The following CLNK variants were observed in gnomAD, a reference collection of about 807,000 sequenced individuals.
The protein encoded by CLNK is cytokine-dependent hematopoietic cell linker.
CLNK carries 74 observed loss-of-function variants against 68.6 expected under a neutral mutation model. That is an observed-to-expected ratio of 1.08 (90% CI 0.89 to 1.31). The LOEUF (loss-of-function observed/expected upper bound fraction) is 1.31, where lower values mean the gene tolerates loss of function less well. Ranked by LOEUF, CLNK falls within the 50% of genes most tolerant of loss-of-function variation. The pLI is 0.00. For synonymous variants in CLNK, 198 were observed against 172.2 expected (o/e 1.15, Z -1.17); for missense variants, 553 against 515.3 (o/e 1.07, Z -0.71).
chr4:10,490,425 A>C lies in CLNK; in HGVS notation c.*42T>G, dbSNP rs1470243393. On this transcript the variant is annotated 3_prime_UTR_variant, in exon 19 of 19. Coordinates refer to ENST00000226951, the MANE Select transcript of CLNK (RefSeq NM_052964.4). Reference sequence around the variant, plus strand: ...CTTTTGAAATCAATGAAAACAATGGAAGCGCTGAATCCAGTAAACCAAAGA... The same window carrying C: ...CTTTTGAAATCAATGAAAACAATGGCAGCGCTGAATCCAGTAAACCAAAGA... 6.3e-7 allele frequency: 1 copy of C among 1,591,220 alleles called. No homozygotes were observed. Among genetic ancestry groups the C allele is most frequent in the Non-Finnish European group, 8.5e-7 (1 of 1,171,174 alleles).
At chr4:10,540,908 C>G (rs1718985523) in intron 10 of CLNK, among the ~76,000 whole-genome samples, 1 of 151,992 alleles carries the variant, frequency 6.6e-6, no homozygotes. Flanking sequence ...GTTTTTAGAA[C>G]TACCCAAATA....
At chr4:10,706,509 G>A in the CLNK span, among the ~76,000 whole-genome samples, 2 of 152,210 alleles carry the variant, frequency 1.3e-5, no homozygotes, top group Non-Finnish European at 2.9e-5. Flanking sequence ...TTCCTCCTGA[G>A]GCAATCTCTG....
chr4:10,686,109 G>A (rs543788829), upstream of CLNK, among the ~76,000 whole-genome samples: 2 of 152,278 alleles, frequency 1.3e-5, no homozygotes, highest in East Asian at 3.9e-4. Context: ...CCTCCTGAGA[G>A]CCATGAGGAG....
At chr4:10,620,991 T>C (rs1403810062) in intron 2 of CLNK, among the ~76,000 whole-genome samples, 1 of 150,588 alleles carries the variant, frequency 6.6e-6, no homozygotes, top group Non-Finnish European at 1.5e-5. Flanking sequence ...GCACCTGTAG[T>C]CCCAGCTGCT....
At chr4:10,646,196 A>AAT (rs1219126340) in intron 2 of CLNK, among the ~76,000 whole-genome samples, 3 of 152,192 alleles carry the variant, frequency 2.0e-5, no homozygotes, top group Non-Finnish European at 4.4e-5. Context: ...CCTGTATCAA[A>AAT]ATATCACCCA....
chr4:10,573,488 A>G (rs1398611188), intron 4 of CLNK, among the ~76,000 whole-genome samples: 1 of 152,196 alleles, frequency 6.6e-6, no homozygotes, highest in East Asian at 1.9e-4. Flanking sequence ...TCCCTGGCAG[A>G]GAAACCAACA....
At chr4:10,688,950 C>T (rs1725362647), upstream of CLNK, among the ~76,000 whole-genome samples, 3 of 151,648 alleles carry the variant, frequency 2.0e-5, no homozygotes. Context: ...ACCCAGTTTC[C>T]CCCCGAGAAA....
Position 10,614,913 on chromosome 4 carries a change from G to A in CLNK, c.12-16864C>T, listed in dbSNP as rs756115346. On this transcript the variant is annotated intron_variant, in intron 2 of 18. Coordinates refer to ENST00000226951, the MANE Select transcript of CLNK (RefSeq NM_052964.4). Reference sequence around the variant, plus strand: ...GAAGAGCAAAGAAGGGGCTGGGTGCGGTGGCTCACACCTGTAATCCCAGCA... The same window carrying A: ...GAAGAGCAAAGAAGGGGCTGGGTGCAGTGGCTCACACCTGTAATCCCAGCA... 6.6e-5 allele frequency among the ~76,000 whole-genome samples: 10 copies of A among 152,172 alleles called. 1 individual carries two copies. The highest frequency in any genetic ancestry group is 4.1e-4 in the South Asian group (2 of 4,826).
At chr4:10,564,318 C>T (rs181241867) in intron 7 of CLNK, among the ~76,000 whole-genome samples, 1 of 152,078 alleles carries the variant, frequency 6.6e-6, no homozygotes, top group Non-Finnish European at 1.5e-5. Flanking sequence ...CATGTTGGGC[C>T]GAGACTCTGG....
chr4:10,724,482 G>GTTTT, the CLNK span, among the ~76,000 whole-genome samples: 60,333 of 145,950 alleles, frequency 0.41, 13,183 homozygotes, highest in East Asian at 0.57. Flanking sequence ...TTTTTAGTTA[G>GTTTT]TTTTTTTTTT....
At chr4:10,641,930 G>T (rs1159241146) in intron 2 of CLNK, among the ~76,000 whole-genome samples, 1 of 152,074 alleles carries the variant, frequency 6.6e-6, no homozygotes, top group Non-Finnish European at 1.5e-5. Context: ...ATTCTCTCTT[G>T]CCTGCCACCA....
rs13130674 is a variant in CLNK, at chr4:10,487,976, G to A, written c.*2491C>T. 34,080 of 152,028 alleles carry A rather than the reference G, an allele frequency of 0.22. 4,262 individuals are homozygous for A. Among genetic ancestry groups the A allele is most frequent in the Middle Eastern group, 0.28 (83 of 294 alleles). 9.4% of individuals were successfully genotyped at this position (152,028 alleles called of 1,614,324 possible). On this transcript the variant is annotated 3_prime_UTR_variant, in exon 19 of 19. Transcript: ENST00000226951. Reference sequence around the variant, plus strand: ...CTGGTGTCTGAGTTCTAGAAAACCCGACACCCAATCCCTCAAACCCCAATC... The same window carrying A: ...CTGGTGTCTGAGTTCTAGAAAACCCAACACCCAATCCCTCAAACCCCAATC...
At chr4:10,500,394 C>A (rs1716989589) in intron 18 of CLNK, among the ~76,000 whole-genome samples, 1 of 152,258 alleles carries the variant, frequency 6.6e-6, no homozygotes, top group East Asian at 1.9e-4. Flanking sequence ...AAATAAGATA[C>A]TGCTGGCTGG....
chr4:10,498,789 G>T (rs1416526164), intron 18 of CLNK, among the ~76,000 whole-genome samples: 1 of 152,120 alleles, frequency 6.6e-6, no homozygotes, highest in Non-Finnish European at 1.5e-5. Context: ...TGTCTTTCGT[G>T]TTAACGTAGC....
intron 2 of CLNK, among the ~76,000 whole-genome samples, chr4:10,605,052 A>G (rs1167489378): frequency 6.6e-6 from 1 of 152,248 alleles, no homozygotes; most frequent in Non-Finnish European, 1.5e-5. Flanking sequence ...ATTATGCCTC[A>G]AGACTGCACC....
intron 2 of CLNK, among the ~76,000 whole-genome samples, chr4:10,658,942 T>C (rs1724087037): frequency 6.6e-6 from 1 of 152,154 alleles, no homozygotes; most frequent in Non-Finnish European, 1.5e-5. Context: ...GTTTTTGCTA[T>C]TAAAAGAAAT....
intron 1 of CLNK, among the ~76,000 whole-genome samples, chr4:10,679,158 C>T (rs1297725175): frequency 1.3e-5 from 2 of 152,026 alleles, no homozygotes; most frequent in Non-Finnish European, 2.9e-5. Context: ...GTACTGGTAC[C>T]AAAACAGAGA....
In CLNK at chr4:10,564,681, C is replaced by T. The variant is rs551039488; in HGVS notation, c.389G>A (p.Arg130Lys). The T allele has an allele frequency of 6.2e-7, 1 of 1,611,124 alleles. No homozygotes were observed. Among genetic ancestry groups the T allele is most frequent in the Non-Finnish European group, 8.5e-7 (1 of 1,177,310 alleles). ...IGQPTWNTQTRLERVDKPISK... is the reference protein window; with the variant it reads ...IGQPTWNTQTKLERVDKPISK... ...CCAGTCTTTACTCACTCTTTCCAAC[C>T]TCGTCTGTGTGTTCCAGGTCGGCTG... The change falls in exon 7 of 19, where the codon AGG becomes AAG. Residue 130 changes from arginine (R) to lysine (K), a missense_variant. Coordinates refer to ENST00000226951, the MANE Select transcript of CLNK (RefSeq NM_052964.4).
the CLNK span, among the ~76,000 whole-genome samples, chr4:10,711,295 T>C: frequency 2.0e-4 from 30 of 152,324 alleles, no homozygotes; most frequent in African/African-American, 6.7e-4. Context: ...TGGTGTCCAA[T>C]ACAAGCATAA....
Sources: gnomAD v4.1 joint callset for allele counts (sites outside exome capture counted in the v4.1 genomes callset) on GRCh38, gnomAD v4.1.1 for gene constraint, MANE v1.5 for transcripts, NCBI Gene and HGNC (gene_info 2026-07-23, HGNC 2026-07-21) for gene names.